PPP1R9A: variants seen among roughly 807,000 people sequenced by gnomAD.
The protein encoded by PPP1R9A is neurabin-1.
A neutral mutation model predicts 141.9 loss-of-function variants in PPP1R9A; 59 were observed. That is an observed-to-expected ratio of 0.42 (90% confidence interval 0.34 to 0.52). PPP1R9A has a LOEUF of 0.52. PPP1R9A is among the 20% of genes least tolerant of loss of function. The probability of loss-of-function intolerance (pLI) is 0.10; values close to 1 mark genes in which losing one functional copy is unlikely to be tolerated. For synonymous variants in PPP1R9A, 500 were observed against 569.7 expected (o/e 0.88, Z 1.74); for missense variants, 1,444 against 1,611.9 (o/e 0.90, Z 1.78).
At chr7:94,966,299 TC>T (rs1421805946) in intron 2 of PPP1R9A, among the ~76,000 whole-genome samples, 1 of 152,190 alleles carries the variant, frequency 6.6e-6, no homozygotes, top group Non-Finnish European at 1.5e-5. Flanking sequence ...CTTCCTCTCT[TC>T]CTGTGTGAAT....
At chr7:95,075,730 A>G (rs766018361) in intron 2 of PPP1R9A, among the ~76,000 whole-genome samples, 1 of 151,986 alleles carries the variant, frequency 6.6e-6, no homozygotes. Flanking sequence ...CCAGCTACTC[A>G]GGAGGCTGAG....
chr7:95,083,006 C>T (rs201094422), intron 2 of PPP1R9A, among the ~76,000 whole-genome samples: 44 of 151,904 alleles, frequency 2.9e-4, no homozygotes, highest in Non-Finnish European at 4.3e-4. Flanking sequence ...CCGCCCACCT[C>T]GGCCTCCCAA....
At chr7:95,040,214 C>G (rs1234291189) in intron 2 of PPP1R9A, among the ~76,000 whole-genome samples, 1 of 151,852 alleles carries the variant, frequency 6.6e-6, no homozygotes, top group African/African-American at 2.4e-5. Flanking sequence ...CTAATAACTT[C>G]TCTCTCTCCC....
chr7:95,038,033 G>T (rs1225253126), intron 2 of PPP1R9A, among the ~76,000 whole-genome samples: 1 of 151,698 alleles, frequency 6.6e-6, no homozygotes, highest in African/African-American at 2.4e-5. Flanking sequence ...GATTGCTTGA[G>T]CCCAGGAGTT....
chr7:95,187,427 G>T (rs1244270708), intron 5 of PPP1R9A, among the ~76,000 whole-genome samples: 1 of 152,028 alleles, frequency 6.6e-6, no homozygotes, highest in African/African-American at 2.4e-5. Context: ...TGCACTAATG[G>T]TCTATCAATT....
intron 2 of PPP1R9A, among the ~76,000 whole-genome samples, chr7:94,953,503 A>G (rs761657675): frequency 1.3e-5 from 2 of 152,200 alleles, no homozygotes; most frequent in Non-Finnish European, 1.5e-5. Context: ...AAGAAAGTCA[A>G]TGGTAGCTTC....
intron 8 of PPP1R9A, among the ~76,000 whole-genome samples, chr7:95,226,671 GCTGCATC>G (rs1397362144): frequency 2.6e-5 from 4 of 152,282 alleles, no homozygotes; most frequent in African/African-American, 9.6e-5. Context: ...ACTGGTAAAA[GCTGCATC>G]CTTGGGGCAA....
chr7:95,080,247 G>A (rs1815586054), intron 2 of PPP1R9A, among the ~76,000 whole-genome samples: 1 of 152,092 alleles, frequency 6.6e-6, no homozygotes, highest in African/African-American at 2.4e-5. Context: ...AAAGTCTCAG[G>A]ATACAAAATC....
At chr7:95,157,265 C>T (rs80005836) in intron 4 of PPP1R9A, among the ~76,000 whole-genome samples, 8 of 152,120 alleles carry the variant, frequency 5.3e-5, no homozygotes, top group South Asian at 4.2e-4. Flanking sequence ...CTCTCCCCCC[C>T]CAGAGTGCAG....
intron 4 of PPP1R9A, among the ~76,000 whole-genome samples, chr7:95,140,420 CTGTTCTGT>C (rs1454965490): frequency 6.6e-6 from 1 of 152,026 alleles, no homozygotes; most frequent in Non-Finnish European, 1.5e-5. Context: ...TGACAGAGTC[CTGTTCTGT>C]TGCCCAGGCT....
intron 2 of PPP1R9A, among the ~76,000 whole-genome samples, chr7:94,934,449 A>G (rs932507309): frequency 5.9e-5 from 9 of 152,142 alleles, no homozygotes; most frequent in Non-Finnish European, 1.2e-4. Context: ...GTTGAGATCT[A>G]TCCTGAGTTT....
At chr7:95,097,375 C>T (rs2152380500) in intron 2 of PPP1R9A, among the ~76,000 whole-genome samples, 1 of 151,844 alleles carries the variant, frequency 6.6e-6, no homozygotes, top group Admixed American at 6.6e-5. Flanking sequence ...TGAGCTGGTG[C>T]TTAATAAGGA....
chr7:95,240,319 A>G (rs1296217794), intron 8 of PPP1R9A, among the ~76,000 whole-genome samples: 5 of 151,890 alleles, frequency 3.3e-5, no homozygotes, highest in African/African-American at 1.2e-4. Flanking sequence ...GCCTTCTTTC[A>G]TTGATTATTT....
chr7:95,276,090 C>G (rs561708948), intron 16 of PPP1R9A, among the ~76,000 whole-genome samples: 1 of 151,970 alleles, frequency 6.6e-6, no homozygotes, highest in African/African-American at 2.4e-5. Context: ...ATAATGAAAC[C>G]GTTTAGGGGA....
At chr7:95,250,496 ATAAT>A (rs1422503484) in intron 10 of PPP1R9A, among the ~76,000 whole-genome samples, 2 of 152,118 alleles carry the variant, frequency 1.3e-5, no homozygotes, top group East Asian at 1.9e-4. Flanking sequence ...GCTATTTTTG[ATAAT>A]TAATCGTTGT....
chr7:95,108,365 G>A (rs1312096115), intron 2 of PPP1R9A, among the ~76,000 whole-genome samples: 1 of 130,610 alleles, frequency 7.7e-6, no homozygotes, highest in South Asian at 2.6e-4. Context: ...CCAGGCTGGA[G>A]TGCAGTGGCG....
At chr7:95,037,215 G>C (rs1404049506) in intron 2 of PPP1R9A, 1 of 151,876 alleles carries the variant, frequency 6.6e-6, no homozygotes, top group Non-Finnish European at 1.5e-5. Context: ...ATTTTTCTCT[G>C]TTTTTGTATA....
At chr7:94,995,115 A>G (rs1221658579) in intron 2 of PPP1R9A, among the ~76,000 whole-genome samples, 3 of 142,716 alleles carry the variant, frequency 2.1e-5, no homozygotes, top group Non-Finnish European at 3.1e-5. Context: ...TGATTATACA[A>G]TTCTAAGTTG....
intron 5 of PPP1R9A, among the ~76,000 whole-genome samples, chr7:95,187,862 G>A (rs527906537): frequency 2.0e-5 from 3 of 152,152 alleles, no homozygotes; most frequent in Admixed American, 2.0e-4. Flanking sequence ...TGTGGTCTGA[G>A]AGGGCACTGG....
Sources: gnomAD v4.1 joint callset for allele counts (sites outside exome capture counted in the v4.1 genomes callset) on GRCh38, gnomAD v4.1.1 for gene constraint, MANE v1.5 for transcripts, NCBI Gene and HGNC (gene_info 2026-07-23, HGNC 2026-07-21) for gene names.